ESRRG: variants seen among roughly 807,000 people sequenced by gnomAD.
ESRRG encodes the protein estrogen related receptor gamma, also known as estrogen-related receptor gamma.
In ESRRG, 13 loss-of-function variants were observed where a neutral mutation model predicts 44.0. The ratio of observed to expected loss-of-function variants is 0.30; its 90% CI spans 0.19 to 0.47. The LOEUF is 0.47. ESRRG is among the 20% of genes least tolerant of loss of function. The pLI is 1.00. For synonymous variants in ESRRG, 215 were observed against 214.6 expected (o/e 1.00, Z -0.02); for missense variants, 395 against 580.6 (o/e 0.68, Z 3.29).
intron 1 of ESRRG, among the ~76,000 whole-genome samples, chr1:217,049,002 C>T (rs768000310): frequency 6.6e-6 from 1 of 152,164 alleles, no homozygotes; most frequent in African/African-American, 2.4e-5. Context: ...TAATCAGGCA[C>T]TCCTTTCCTC....
chr1:216,617,884 A>G (rs1007100424), intron 3 of ESRRG, among the ~76,000 whole-genome samples: 1 of 152,152 alleles, frequency 6.6e-6, no homozygotes, highest in African/African-American at 2.4e-5. Context: ...TGATACCCAA[A>G]CCATTGGATG....
intron 3 of ESRRG, among the ~76,000 whole-genome samples, chr1:216,623,257 ATTT>A (rs2062615352): frequency 6.6e-6 from 1 of 151,776 alleles, no homozygotes; most frequent in African/African-American, 2.4e-5. Flanking sequence ...TAATTTTTGT[ATTT>A]TTAGTAGAGA....
intron 2 of ESRRG, among the ~76,000 whole-genome samples, chr1:216,776,053 C>T (rs1282648678): frequency 2.6e-5 from 4 of 152,022 alleles, no homozygotes; most frequent in Admixed American, 2.6e-4. Context: ...AAATGGAGAG[C>T]TCTTCTTATC....
At chr1:216,956,018 T>C (rs1167799464) in intron 1 of ESRRG, among the ~76,000 whole-genome samples, 1 of 152,182 alleles carries the variant, frequency 6.6e-6, no homozygotes, top group Non-Finnish European at 1.5e-5. Context: ...TTTGACTTCA[T>C]AAATTGTTTC....
intron 1 of ESRRG, among the ~76,000 whole-genome samples, chr1:217,017,429 T>C (rs950099876): frequency 4.0e-5 from 6 of 149,888 alleles, no homozygotes; most frequent in Non-Finnish European, 8.8e-5. Context: ...TGAATCTAGC[T>C]TGATTTTTTA....
intron 3 of ESRRG, among the ~76,000 whole-genome samples, chr1:216,603,687 G>A (rs912208290): frequency 1.3e-5 from 2 of 152,162 alleles, no homozygotes; most frequent in African/African-American, 4.8e-5. Flanking sequence ...CCAGGACTTT[G>A]GGAGGCCGAG....
intron 2 of ESRRG, among the ~76,000 whole-genome samples, chr1:216,917,971 T>A (rs1408525192): frequency 6.6e-6 from 1 of 152,210 alleles, no homozygotes; most frequent in East Asian, 1.9e-4. Flanking sequence ...AGGCGCACTA[T>A]AAGAAATATG....
intron 2 of ESRRG, among the ~76,000 whole-genome samples, chr1:216,745,682 T>C (rs933009136): frequency 1.3e-5 from 2 of 152,158 alleles, no homozygotes; most frequent in Non-Finnish European, 2.9e-5. Context: ...TTGGGTAAGT[T>C]TCCATGTCAG....
chr1:216,588,039 G>A (rs566548360), intron 3 of ESRRG, among the ~76,000 whole-genome samples: 3 of 152,260 alleles, frequency 2.0e-5, no homozygotes, highest in African/African-American at 7.2e-5. Flanking sequence ...ATGTATCACA[G>A]ATAGTCCTGT....
At chr1:216,939,241 T>C (rs770981015) in intron 2 of ESRRG, among the ~76,000 whole-genome samples, 1 of 147,836 alleles carries the variant, frequency 6.8e-6, no homozygotes, top group Non-Finnish European at 1.5e-5. Flanking sequence ...GTCAGTATAG[T>C]GAATCAATAG....
At chr1:216,947,663 T>A (rs904279485) in intron 1 of ESRRG, among the ~76,000 whole-genome samples, 1 of 152,326 alleles carries the variant, frequency 6.6e-6, no homozygotes, top group Admixed American at 6.5e-5. Flanking sequence ...AGCACATCAC[T>A]GAAAAGCGTT....
chr1:216,806,829 A>G (rs1432030539), intron 2 of ESRRG, among the ~76,000 whole-genome samples: 1 of 152,224 alleles, frequency 6.6e-6, no homozygotes, highest in Non-Finnish European at 1.5e-5. Context: ...TTCAGGTGTC[A>G]GCTTTCAATC....
Position 216,617,072 on chromosome 1 carries a change from T to A in ESRRG, c.589+33901A>T, listed in dbSNP as rs529430381. ...ATAATATAAAACTCATCCAATCTGT[T>A]TCTTTTCAACATTTTCAATGTTTGT... is the stretch of plus-strand genomic sequence containing the variant. On this transcript the variant is annotated intron_variant, in intron 3 of 6. Transcript: ENST00000408911. Among the ~76,000 whole-genome samples, 7 of 152,262 alleles carry A rather than the reference T, an allele frequency of 4.6e-5. 1 individual carries two copies. Among genetic ancestry groups the A allele is most frequent in the African/African-American group, 1.7e-4 (7 of 41,540 alleles).
chr1:217,090,750 T>C (rs1558250531), upstream of ESRRG, among the ~76,000 whole-genome samples: 1 of 151,934 alleles, frequency 6.6e-6, no homozygotes, highest in East Asian at 1.9e-4. Context: ...ACCAGGGGAG[T>C]CTGGAAGGGC....
rs115211521 is a variant in ESRRG at position 216,517,647 on chromosome 1, T to A, written c.1132+1505A>T. 1.4e-3 allele frequency among the ~76,000 whole-genome samples: 210 copies of A among 152,306 alleles called. 3 individuals are homozygous for A. Among genetic ancestry groups the A allele is most frequent in the African/African-American group, 4.5e-3 (186 of 41,576 alleles). On this transcript the variant is annotated intron_variant, in intron 6 of 6. Transcript: ENST00000408911. Reference sequence around the variant, plus strand: ...CCCAAAACCACTGTTATAAAATATTTCATCTCATTATGAGAGATGGTATAA... The same window carrying A: ...CCCAAAACCACTGTTATAAAATATTACATCTCATTATGAGAGATGGTATAA...
At chr1:216,822,171 C>T (rs1219120667) in intron 2 of ESRRG, among the ~76,000 whole-genome samples, 2 of 152,082 alleles carry the variant, frequency 1.3e-5, no homozygotes, top group Non-Finnish European at 2.9e-5. Context: ...GAATTTCAAC[C>T]TCTGCATAGA....
At chr1:216,598,176 TATATTGTTTTATAGGAA>T (rs1206395611) in intron 3 of ESRRG, among the ~76,000 whole-genome samples, 1 of 152,200 alleles carries the variant, frequency 6.6e-6, no homozygotes, top group Non-Finnish European at 1.5e-5. Flanking sequence ...ATCCTCCATT[TATATTGTTTTATAGGAA>T]ATATAGAACT....
intron 2 of ESRRG, among the ~76,000 whole-genome samples, chr1:216,867,603 T>A (rs535074306): frequency 2.6e-5 from 4 of 152,180 alleles, no homozygotes; most frequent in Non-Finnish European, 5.9e-5. Flanking sequence ...AAAAAGACTC[T>A]AAACATCTTT....
rs1469175816 is a variant in ESRRG, at chr1:216,677,309, T to C, written c.239A>G (p.Asp80Gly). ...STMNGHQNGL[D>G]SPPLYPSAPI... ...AGCAGAAGGGTAGAGAGGTGGCGAG[T>C]CAAGTCCGTTCTGATGGCCATTCAT... The change falls in exon 2 of 7, where the codon GAC becomes GGC. Residue 80 changes from aspartate to glycine, a missense_variant. Asp to Gly is a moderately conservative substitution (Grantham distance 94). Coordinates refer to ENST00000408911, the MANE Select transcript of ESRRG (RefSeq NM_001438.4). 1.9e-6 allele frequency: 3 copies of C among 1,613,736 alleles called. No individual in the cohort carries two copies. Among genetic ancestry groups the C allele is most frequent in the Non-Finnish European group, 2.5e-6 (3 of 1,179,986 alleles).
Sources: allele counts gnomAD v4.1 joint callset (sites outside exome capture counted in the v4.1 genomes callset), GRCh38; gene constraint gnomAD v4.1.1; transcripts MANE v1.5; gene names NCBI Gene and HGNC (gene_info 2026-07-23, HGNC 2026-07-21).